KYNU: variants seen among roughly 807,000 people sequenced by gnomAD.
The protein encoded by KYNU is L-kynurenine hydrolase.
A neutral mutation model predicts 59.2 loss-of-function variants in KYNU; 54 were observed. The ratio of observed to expected loss-of-function variants is 0.91; its 90% CI spans 0.73 to 1.14. The LOEUF (loss-of-function observed/expected upper bound fraction) is 1.14. KYNU is among the 50% of genes most tolerant of loss of function. The pLI is 0.00. For synonymous variants in KYNU, 177 were observed against 192.0 expected (o/e 0.92, Z 0.65); for missense variants, 567 against 554.4 (o/e 1.02, Z -0.23).
At chr2:142,924,643 A>C (rs1485500662) in intron 3 of KYNU, among the ~76,000 whole-genome samples, 1 of 152,226 alleles carries the variant, frequency 6.6e-6, no homozygotes, top group Non-Finnish European at 1.5e-5. Flanking sequence ...AAATACTCCT[A>C]GTAGATGTCT....
chr2:142,916,688 C>T (rs948412729), intron 2 of KYNU, among the ~76,000 whole-genome samples: 1 of 152,190 alleles, frequency 6.6e-6, no homozygotes, highest in African/African-American at 2.4e-5. Context: ...ACCTTACCCC[C>T]CTTTTCCTCC....
chr2:142,896,921 G>A (rs1334927732), intron 2 of KYNU, among the ~76,000 whole-genome samples: 1 of 152,140 alleles, frequency 6.6e-6, no homozygotes, highest in Non-Finnish European at 1.5e-5. Context: ...TTAACTTTGA[G>A]GATGCACAGT....
At chr2:142,900,153 G>A (rs1243992826) in intron 2 of KYNU, among the ~76,000 whole-genome samples, 1 of 152,212 alleles carries the variant, frequency 6.6e-6, no homozygotes, top group Non-Finnish European at 1.5e-5. Flanking sequence ...ATGAACCTGG[G>A]CACTTAGCCG....
At chr2:142,954,025 T>C (rs1684083244) in intron 4 of KYNU, 1 of 152,158 alleles carries the variant, frequency 6.6e-6, no homozygotes, top group South Asian at 2.1e-4. Flanking sequence ...TACACAGGTC[T>C]AATTGCCTTG....
chr2:143,000,907 C>T (rs2105185309), intron 10 of KYNU, among the ~76,000 whole-genome samples: 1 of 152,224 alleles, frequency 6.6e-6, no homozygotes, highest in East Asian at 1.9e-4. Flanking sequence ...CTCTTCTCCC[C>T]TTGTAATTGC....
intron 10 of KYNU, among the ~76,000 whole-genome samples, chr2:142,998,040 C>T (rs925753915): frequency 6.6e-6 from 1 of 152,116 alleles, no homozygotes; most frequent in African/African-American, 2.4e-5. Flanking sequence ...TTATGATGTT[C>T]AAAGAACACA....
chr2:143,014,474 A>G (rs542670409), intron 10 of KYNU, among the ~76,000 whole-genome samples: 45 of 152,306 alleles, frequency 3.0e-4, no homozygotes, highest in South Asian at 2.5e-3. Context: ...ATGCTGGGCT[A>G]TATGTAACAC....
chr2:142,903,426 G>C (rs548764053), intron 2 of KYNU, among the ~76,000 whole-genome samples: 19 of 152,194 alleles, frequency 1.2e-4, no homozygotes, highest in South Asian at 4.2e-4. Flanking sequence ...CCTAACAAGG[G>C]AGTGGGGTTT....
chr2:143,025,484 A>G (rs1686524849), intron 10 of KYNU, among the ~76,000 whole-genome samples: 2 of 152,234 alleles, frequency 1.3e-5, no homozygotes, highest in South Asian at 2.1e-4. Flanking sequence ...GATTCTTTCT[A>G]TGGATGTGCC....
At position 142,885,401 on chromosome 2, in the gene KYNU, A is replaced by G. The variant is rs1369056083; in HGVS notation, c.34A>G (p.Thr12Ala). Reference sequence around the variant, plus strand: ...TTCATCTCTTGAGCTGCCGGCTGACACAGTGCAGCGCATTGCGGCTGAACT... The same window carrying G: ...TTCATCTCTTGAGCTGCCGGCTGACGCAGTGCAGCGCATTGCGGCTGAACT... The part of the protein sequence containing the change: ...EPSSLELPAD[T>A]VQRIAAELKC... The change falls in exon 2 of 14, where the codon ACA becomes GCA. Residue 12 changes from threonine (T) to alanine (A), a missense_variant. Coordinates refer to ENST00000264170, the MANE Select transcript of KYNU (RefSeq NM_003937.3). 15 of 1,613,962 alleles carry G rather than the reference A, an allele frequency of 9.3e-6. No individual in the cohort carries two copies. Among genetic ancestry groups the G allele is most frequent in the Admixed American group, 1.7e-5 (1 of 60,006 alleles).
At chr2:142,979,959 T>C (rs1685003639) in intron 8 of KYNU, among the ~76,000 whole-genome samples, 1 of 152,114 alleles carries the variant, frequency 6.6e-6, no homozygotes, top group South Asian at 2.1e-4. Context: ...GTCTACTCCA[T>C]AGGCAGAGCA....
chr2:143,013,792 A>G (rs1022140418), intron 10 of KYNU, among the ~76,000 whole-genome samples: 1 of 152,204 alleles, frequency 6.6e-6, no homozygotes, highest in Non-Finnish European at 1.5e-5. Context: ...GATATACAGA[A>G]CACTCAGGCA....
chr2:142,991,401 GC>G (rs1685395065), intron 10 of KYNU, among the ~76,000 whole-genome samples: 10 of 151,864 alleles, frequency 6.6e-5, no homozygotes. Context: ...CACTTCTGAT[GC>G]TTTCAAATGA....
intron 10 of KYNU, among the ~76,000 whole-genome samples, chr2:143,021,977 A>G (rs1686423313): frequency 6.6e-6 from 1 of 152,078 alleles, no homozygotes; most frequent in African/African-American, 2.4e-5. Context: ...TAGATTTCAG[A>G]TATTTATTTC....
At chr2:143,016,131 A>C (rs948392684) in intron 10 of KYNU, among the ~76,000 whole-genome samples, 8 of 152,258 alleles carry the variant, frequency 5.3e-5, no homozygotes, top group South Asian at 2.1e-4. Flanking sequence ...ACTTAAAATA[A>C]AACTTGCTCT....
chr2:143,024,546 G>A (rs1686498161), intron 10 of KYNU, among the ~76,000 whole-genome samples: 1 of 151,856 alleles, frequency 6.6e-6, no homozygotes, highest in African/African-American at 2.4e-5. Context: ...TTTTCTCTGA[G>A]TATTGTACAG....
At position 142,992,330 on chromosome 2, in the gene KYNU, T is replaced by A. The variant is rs1685418837; in HGVS notation, c.902+6309T>A. Among the ~76,000 whole-genome samples the A allele has an allele frequency of 2.0e-5, 3 of 151,730 alleles. No individual in the cohort carries two copies. In the South Asian group the frequency reaches 6.2e-4, roughly 31 times the overall value. The stretch of plus-strand genomic sequence containing the variant: ...TATCTTTAAGGTCATGCTGAGAAAG[T>A]TAAGTATACTATAAAAGGGATGATA... On this transcript the variant is annotated intron_variant, in intron 10 of 13. Coordinates refer to ENST00000264170, the MANE Select transcript of KYNU (RefSeq NM_003937.3).
intron 2 of KYNU, among the ~76,000 whole-genome samples, chr2:142,898,257 T>G (rs1681949941): frequency 6.9e-6 from 1 of 144,156 alleles, no homozygotes; most frequent in Non-Finnish European, 1.5e-5. Flanking sequence ...TTTCTTTTTC[T>G]TTTTTTTTTT....
intron 4 of KYNU, among the ~76,000 whole-genome samples, chr2:142,932,926 C>T (rs757969552): frequency 2.0e-5 from 3 of 151,958 alleles, no homozygotes; most frequent in Non-Finnish European, 4.4e-5. Flanking sequence ...GGGTCTTTGG[C>T]GGTTGTAGCT....
Sources: gnomAD v4.1 joint callset for allele counts (sites outside exome capture counted in the v4.1 genomes callset) on GRCh38, gnomAD v4.1.1 for gene constraint, MANE v1.5 for transcripts, NCBI Gene and HGNC (gene_info 2026-07-23, HGNC 2026-07-21) for gene names.